Variants in GPC6 observed in about 807,000 individuals in gnomAD.
GPC6 encodes glypican 6.
In GPC6, 14 loss-of-function variants were observed where a neutral mutation model predicts 55.2. The ratio of observed to expected loss-of-function variants is 0.25; its 90% confidence interval spans 0.17 to 0.40. The LOEUF is 0.40. GPC6 is among the 10% of genes least tolerant of loss of function. The probability of loss-of-function intolerance (pLI) is 1.00; values close to 1 mark genes in which losing one functional copy is unlikely to be tolerated. For synonymous variants in GPC6, 278 were observed against 259.6 expected, an observed-to-expected ratio of 1.07 and a Z score of -0.68; for missense variants, 641 against 708.5, an observed-to-expected ratio of 0.90 and a Z score of 1.08.
chr13:93,281,462 C>T (rs750861931), intron 1 of GPC6, among the ~76,000 whole-genome samples: 2 of 152,154 alleles, frequency 1.3e-5, no homozygotes, highest in Non-Finnish European at 1.5e-5. Flanking sequence ...AAATAATTAA[C>T]TGTAATAGCT....
intron 1 of GPC6, among the ~76,000 whole-genome samples, chr13:93,289,530 T>C (rs1594075960): frequency 6.6e-6 from 1 of 152,196 alleles, no homozygotes; most frequent in African/African-American, 2.4e-5. Context: ...AATTTATATG[T>C]AGTATATAAA....
At chr13:93,242,212 G>A (rs1465136475) in intron 1 of GPC6, among the ~76,000 whole-genome samples, 2 of 152,170 alleles carry the variant, frequency 1.3e-5, no homozygotes, top group African/African-American at 4.8e-5. Context: ...ACACATCCCA[G>A]CCCTGATGGA....
rs1450909909 is a variant in GPC6, at chr13:94,085,273, G to A, written c.877+57379G>A. Among the ~76,000 whole-genome samples the A allele has an allele frequency of 8.1e-5, 10 of 122,812 alleles. No individual in the cohort carries two copies. In the Admixed American group the frequency reaches 1.0e-3, roughly 13 times the overall value. The allele number at this position is 122,812 out of a possible 152,430, so 80.6% of individuals were successfully genotyped here. A position where few individuals can be genotyped will look rare whatever the true frequency, so the allele number is the denominator to read the frequency against. ...GGAGGCGGAGGTTGCAGTGAGCCGAGATCACGCCACTGCACTCCAGCCTGG... is the reference window on the plus strand; with the variant it reads ...GGAGGCGGAGGTTGCAGTGAGCCGAAATCACGCCACTGCACTCCAGCCTGG... On this transcript the variant is annotated intron_variant, in intron 4 of 8. Coordinates refer to ENST00000377047, the MANE Select transcript of GPC6 (RefSeq NM_005708.5).
At chr13:93,757,275 C>T (rs192517901) in intron 2 of GPC6, among the ~76,000 whole-genome samples, 12 of 152,208 alleles carry the variant, frequency 7.9e-5, no homozygotes, top group Non-Finnish European at 1.5e-4. Context: ...TGTGAATTCA[C>T]AGTGGGAATG....
chr13:94,153,589 A>G (rs999015809), intron 4 of GPC6, among the ~76,000 whole-genome samples: 7 of 152,186 alleles, frequency 4.6e-5, no homozygotes, highest in Non-Finnish European at 7.3e-5. Context: ...CTTGTGTCCT[A>G]TCTACCATTT....
rs1208860350 is a variant in GPC6 at position 94,294,414 on chromosome 13, C to A, written c.1008+7935C>A. ...TTAATTTTCTCTAGACAGTTTTTCCCAATCCACAGCTCAAATGAAGATTAA... is the reference window on the plus strand; with the variant it reads ...TTAATTTTCTCTAGACAGTTTTTCCAAATCCACAGCTCAAATGAAGATTAA... On this transcript the variant is annotated intron_variant, in intron 5 of 8. Transcript: ENST00000377047. 7.6e-5 allele frequency among the ~76,000 whole-genome samples: 11 copies of A among 143,870 alleles called. No homozygotes were observed. The Admixed American group carries it at 7.8e-4, about 10-fold the overall frequency. 94.4% of individuals were successfully genotyped at this position (143,870 alleles called of 152,430 possible).
At chr13:94,035,496 C>G (rs1883301240) in intron 4 of GPC6, among the ~76,000 whole-genome samples, 1 of 151,972 alleles carries the variant, frequency 6.6e-6, no homozygotes, top group Admixed American at 6.6e-5. Flanking sequence ...AACATCAAAC[C>G]ACATAGCTAT....
In GPC6 at chr13:93,419,624, T is replaced by C. The variant is rs138534688; in HGVS notation, c.161-125639T>C. Among the ~76,000 whole-genome samples, 380 of 152,272 alleles carry C rather than the reference T, an allele frequency of 2.5e-3. 1 individual carries two copies. The highest frequency in any genetic ancestry group is 8.4e-3 in the African/African-American group (350 of 41,558). On this transcript the variant is annotated intron_variant, in intron 1 of 8. Coordinates refer to ENST00000377047, the MANE Select transcript of GPC6 (RefSeq NM_005708.5). The stretch of plus-strand genomic sequence containing the variant: ...GCCTTTCAACCGATAATACAGCATC[T>C]CCATGCGGATTGAATCCAAGCCTGT...
chr13:93,846,150 T>C (rs1033388990), intron 3 of GPC6, among the ~76,000 whole-genome samples: 4 of 152,098 alleles, frequency 2.6e-5, no homozygotes, highest in Admixed American at 6.6e-5. Flanking sequence ...TGTACCAAAA[T>C]GTATAGCAAG....
chr13:93,472,836 G>A (rs1316329103), intron 1 of GPC6, among the ~76,000 whole-genome samples: 1 of 152,194 alleles, frequency 6.6e-6, no homozygotes, highest in Admixed American at 6.5e-5. Context: ...CAAGTGAAGG[G>A]TGAGCAAGAC....
chr13:94,338,182 C>T (rs1176981958), intron 6 of GPC6, among the ~76,000 whole-genome samples: 1 of 152,356 alleles, frequency 6.6e-6, no homozygotes, highest in East Asian at 1.9e-4. Context: ...GAGATAATCA[C>T]AGCCTCTTCC....
At chr13:94,039,721 A>C (rs908820527) in intron 4 of GPC6, among the ~76,000 whole-genome samples, 8 of 151,856 alleles carry the variant, frequency 5.3e-5, no homozygotes, top group African/African-American at 1.2e-4. Context: ...CACAGCCCAG[A>C]TGTGGCCAAC....
intron 1 of GPC6, among the ~76,000 whole-genome samples, chr13:93,378,040 G>T (rs1874995720): frequency 6.6e-6 from 1 of 152,096 alleles, no homozygotes; most frequent in Non-Finnish European, 1.5e-5. Context: ...CTTTTTATTT[G>T]CATTCAAAAT....
chr13:93,443,025 A>G (rs1466863483), intron 1 of GPC6, among the ~76,000 whole-genome samples: 1 of 152,148 alleles, frequency 6.6e-6, no homozygotes, highest in African/African-American at 2.4e-5. Flanking sequence ...AGAAGCCTTT[A>G]TATTAATATC....
intron 4 of GPC6, among the ~76,000 whole-genome samples, chr13:94,256,257 G>A (rs1330120312): frequency 6.6e-6 from 1 of 152,174 alleles, no homozygotes; most frequent in Non-Finnish European, 1.5e-5. Context: ...CTGTAACAGG[G>A]CAGGGGAGTT....
intron 4 of GPC6, among the ~76,000 whole-genome samples, chr13:94,216,462 A>G (rs913636437): frequency 3.3e-5 from 5 of 152,252 alleles, no homozygotes; most frequent in Non-Finnish European, 7.3e-5. Flanking sequence ...TAAATTTTGA[A>G]AAGTTGTCCA....
intron 2 of GPC6, among the ~76,000 whole-genome samples, chr13:93,621,175 G>A (rs1878937284): frequency 6.6e-6 from 1 of 152,152 alleles, no homozygotes; most frequent in South Asian, 2.1e-4. Flanking sequence ...GAGCCAGGTT[G>A]CCAGAGCCCT....
chr13:94,244,100 T>C (rs2139029301), intron 4 of GPC6, among the ~76,000 whole-genome samples: 1 of 152,322 alleles, frequency 6.6e-6, no homozygotes, highest in East Asian at 1.9e-4. Context: ...CTTTACATGT[T>C]ACTATTTTAT....
intron 4 of GPC6, among the ~76,000 whole-genome samples, chr13:94,239,172 T>C (rs1890973286): frequency 6.6e-6 from 1 of 152,084 alleles, no homozygotes; most frequent in Admixed American, 6.6e-5. Context: ...ACCTGTTTCC[T>C]CATTTAGGGG....
Sources: gnomAD v4.1 joint callset for allele counts (sites outside exome capture counted in the v4.1 genomes callset) on GRCh38, gnomAD v4.1.1 for gene constraint, MANE v1.5 for transcripts, NCBI Gene and HGNC (gene_info 2026-07-23, HGNC 2026-07-21) for gene names.